FIRRM: variants seen among roughly 807,000 people sequenced by gnomAD.
FIRRM encodes the protein FIGNL1-interacting regulator of recombination and mitosis.
At chr1:169,785,585 C>T in the FIRRM span, among the ~76,000 whole-genome samples, 13 of 152,110 alleles carry the variant, frequency 8.5e-5, no homozygotes, top group East Asian at 1.9e-4. Context: ...CCCAGCCTCT[C>T]GACGTTCAGA....
the FIRRM span, among the ~76,000 whole-genome samples, chr1:169,834,752 A>G: frequency 6.6e-6 from 1 of 152,202 alleles, no homozygotes; most frequent in African/African-American, 2.4e-5. Flanking sequence ...CCAGCCGGAC[A>G]ACATAGCAAG....
At chr1:169,800,968 A>G in the FIRRM span, 1 of 1,541,010 alleles carries the variant, frequency 6.5e-7, no homozygotes, top group South Asian at 1.1e-5. Flanking sequence ...AAGTGTTACC[A>G]AAGGTATAAT....
chr1:169,835,678 T>C, the FIRRM span, among the ~76,000 whole-genome samples: 2 of 152,222 alleles, frequency 1.3e-5, no homozygotes, highest in African/African-American at 4.8e-5. Context: ...TCTTGAACTC[T>C]TTCTATAACA....
the FIRRM span, chr1:169,832,440 T>C: frequency 3.1e-6 from 5 of 1,613,498 alleles, no homozygotes; most frequent in South Asian, 5.5e-5. Context: ...CTGGAGAATG[T>C]TATCAACTCA....
chr1:169,798,572 C>T, the FIRRM span, among the ~76,000 whole-genome samples: 19 of 151,792 alleles, frequency 1.3e-4, no homozygotes, highest in Non-Finnish European at 2.6e-4. Context: ...TGGCCCCGAG[C>T]GAGACCCTCT....
chr1:169,785,760 C>A, the FIRRM span, among the ~76,000 whole-genome samples: 1 of 152,146 alleles, frequency 6.6e-6, no homozygotes, highest in Non-Finnish European at 1.5e-5. Flanking sequence ...TCACTTAGGG[C>A]TATAGATTTT....
At chr1:169,792,616 C>T in the FIRRM span, 3 of 1,593,700 alleles carry the variant, frequency 1.9e-6, no homozygotes, top group East Asian at 4.5e-5. Context: ...TTATGAACCT[C>T]TTCAATCCTT....
chr1:169,808,073 A>G, the FIRRM span: 7 of 776,342 alleles, frequency 9.0e-6, no homozygotes, highest in East Asian at 2.8e-5. Flanking sequence ...CTGTGGGATT[A>G]TTTATATCCC....
chr1:169,852,906 T>C, the FIRRM span: 3 of 1,614,118 alleles, frequency 1.9e-6, no homozygotes, highest in South Asian at 1.1e-5. Context: ...AGGGTCCTGC[T>C]CCAGCCTGGC....
chr1:169,804,478 T>C, the FIRRM span: 1 of 263,174 alleles, frequency 3.8e-6, no homozygotes, highest in Non-Finnish European at 7.1e-6. Flanking sequence ...CTTATATAAC[T>C]TTATAATCTC....
chr1:169,807,732 C>G, the FIRRM span: 1 of 1,450,308 alleles, frequency 6.9e-7, no homozygotes, highest in Non-Finnish European at 9.2e-7. Flanking sequence ...TGTTAGAGGT[C>G]CTAAGTTACT....
At chr1:169,793,764 C>T in the FIRRM span, 2 of 1,401,094 alleles carry the variant, frequency 1.4e-6, no homozygotes, top group African/African-American at 1.4e-5. Flanking sequence ...TGATGATACA[C>T]ACAAATCTGC....
At chr1:169,830,242 T>G in the FIRRM span, 9 of 1,589,976 alleles carry the variant, frequency 5.7e-6, no homozygotes, top group Middle Eastern at 1.7e-4. Flanking sequence ...TAAATTAATT[T>G]TTCTGTTTTT....
chr1:169,803,058 A>G, the FIRRM span: 2 of 926,078 alleles, frequency 2.2e-6, no homozygotes, highest in Non-Finnish European at 3.3e-6. Flanking sequence ...TGAAAAGAGG[A>G]AGAGACTGTG....
the FIRRM span, chr1:169,795,246 G>A: frequency 6.5e-7 from 1 of 1,530,174 alleles, no homozygotes; most frequent in Non-Finnish European, 8.8e-7. Context: ...TCTACCTAGA[G>A]AAGGGTGTGG....
At chr1:169,835,873 AGCT>A in the FIRRM span, among the ~76,000 whole-genome samples, 2 of 152,158 alleles carry the variant, frequency 1.3e-5, no homozygotes, top group African/African-American at 4.8e-5. Flanking sequence ...TTATGAATAA[AGCT>A]GCTTTTTGTA....
chr1:169,849,944 T>C, the FIRRM span: 1 of 465,712 alleles, frequency 2.1e-6, no homozygotes, highest in Admixed American at 3.7e-5. Flanking sequence ...AGGGTTAGGC[T>C]GATGAACCTA....
chr1:169,810,834 A>ATTTTTTTTTTTTTTTTTT, the FIRRM span, among the ~76,000 whole-genome samples: 10 of 61,208 alleles, frequency 1.6e-4, 1 homozygote, highest in Non-Finnish European at 2.6e-4. Context: ...TTAGCCCCCA[A>ATTTTTTTTTTTTTTTTTT]TTTTTTTTTT....
At chr1:169,790,174 CTTTT>C in the FIRRM span, among the ~76,000 whole-genome samples, 3 of 148,588 alleles carry the variant, frequency 2.0e-5, no homozygotes, top group Non-Finnish European at 4.5e-5. Flanking sequence ...CCACATTTAT[CTTTT>C]TTTTTTCTCT....
Sources: allele counts gnomAD v4.1 joint callset (sites outside exome capture counted in the v4.1 genomes callset), GRCh38; gene constraint gnomAD v4.1.1; transcripts MANE v1.5; gene names NCBI Gene and HGNC (gene_info 2026-07-23, HGNC 2026-07-21).